The following TTC17 variants were observed in gnomAD, a reference collection of about 807,000 sequenced individuals.
The protein encoded by TTC17 is tetratricopeptide repeat domain 17, also known as tetratricopeptide repeat protein 17.
A neutral mutation model predicts 143.8 loss-of-function variants in TTC17; 58 were observed. The observed-to-expected ratio is 0.40, with a 90% CI of 0.33 to 0.50. TTC17 has a LOEUF of 0.50. Ranked by LOEUF, TTC17 falls within the 20% of genes least tolerant of loss-of-function variation. The pLI is 0.49. For missense variants in TTC17, 1,273 were observed against 1,392.5 expected (o/e 0.91, Z 1.37); for synonymous variants, 501 against 497.8 (o/e 1.01, Z -0.09).
chr11:43,408,191 TAAA>T (rs2134598051), intron 15 of TTC17, among the ~76,000 whole-genome samples: 1 of 152,328 alleles, frequency 6.6e-6, no homozygotes. Context: ...TCAGTTATAA[TAAA>T]TATACAATTA....
At chr11:43,487,355 A>C (rs1304629619) in intron 21 of TTC17, among the ~76,000 whole-genome samples, 3 of 152,118 alleles carry the variant, frequency 2.0e-5, no homozygotes, top group Non-Finnish European at 4.4e-5. Flanking sequence ...TGTGTTGGCC[A>C]GGCTGGTTTC....
intron 22 of TTC17, chr11:43,491,817 A>G: frequency 1.6e-6 from 1 of 621,794 alleles, no homozygotes; most frequent in Non-Finnish European, 2.8e-6. Context: ...AGACTTCGCC[A>G]ATGAAAGAAG....
intron 16 of TTC17, among the ~76,000 whole-genome samples, chr11:43,427,529 G>A (rs1590401724): frequency 6.6e-6 from 1 of 152,166 alleles, no homozygotes; most frequent in South Asian, 2.1e-4. Flanking sequence ...AGTTTGATGA[G>A]TTAGCACTCA....
At chr11:43,396,499 ATGCACG>A in intron 5 of TTC17, 1 of 338,328 alleles carries the variant, frequency 3.0e-6, no homozygotes, top group Non-Finnish European at 5.4e-6. Context: ...TCACACCCTA[ATGCACG>A]TGCTCAGCTG....
At position 43,466,876 on chromosome 11, in the gene TTC17, A is replaced by G. The variant is rs139581649; in HGVS notation, c.3030+15611A>G. ...ATTGCCAACTGCAGACAACTCTGAT[A>G]AATTTGACTTGTGTTTTATCTTAAC... On this transcript the variant is annotated intron_variant, in intron 21 of 23. Coordinates refer to ENST00000039989, the MANE Select transcript of TTC17 (RefSeq NM_018259.6). 1.8e-4 allele frequency: 43 copies of G among 238,610 alleles called. No individual in the cohort carries two copies. In the East Asian group the frequency reaches 4.7e-3, roughly 26 times the overall value. 14.8% of individuals were successfully genotyped at this position (238,610 alleles called of 1,614,324 possible).
At chr11:43,359,946 C>CGT (rs956820852) in intron 1 of TTC17, among the ~76,000 whole-genome samples, 4 of 152,164 alleles carry the variant, frequency 2.6e-5, no homozygotes, top group African/African-American at 7.2e-5. Flanking sequence ...CTAACGAGTG[C>CGT]GTGTGTGTGT....
intron 21 of TTC17, among the ~76,000 whole-genome samples, chr11:43,477,978 A>G (rs750768462): frequency 4.6e-5 from 7 of 152,216 alleles, no homozygotes; most frequent in Non-Finnish European, 8.8e-5. Flanking sequence ...ACACCCAGAC[A>G]GTATGTGTGT....
intron 1 of TTC17, among the ~76,000 whole-genome samples, chr11:43,365,634 C>A (rs866756247): frequency 6.6e-6 from 1 of 152,168 alleles, no homozygotes; most frequent in Non-Finnish European, 1.5e-5. Context: ...TTTTCATACT[C>A]ACCCTTTAGA....
At chr11:43,488,458 C>T (rs1385065655) in intron 21 of TTC17, among the ~76,000 whole-genome samples, 1 of 150,070 alleles carries the variant, frequency 6.7e-6, no homozygotes, top group Non-Finnish European at 1.5e-5. Flanking sequence ...AAATTAAATA[C>T]TGTATTTATA....
At chr11:43,482,115 T>G (rs1486513147) in intron 21 of TTC17, among the ~76,000 whole-genome samples, 1 of 152,106 alleles carries the variant, frequency 6.6e-6, no homozygotes, top group African/African-American at 2.4e-5. Context: ...TTTATTGATC[T>G]TAAATAATCA....
rs1321436825 is a variant in TTC17, at chr11:43,413,016, ACACACACACAC to A, written c.2065-1573_2065-1563del. Among the ~76,000 whole-genome samples, 42 of 151,384 alleles carry A rather than the reference ACACACACACAC, an allele frequency of 2.8e-4. 1 individual carries two copies. In the Middle Eastern group the frequency reaches 0.017, roughly 61 times the overall value. On this transcript the variant is annotated intron_variant, in intron 15 of 23. Transcript: ENST00000039989. ...CACACACACACACACACACACACAC[ACACACACACAC>A]AAATGGGGGCAGGGTGATGGGGAGG...
chr11:43,492,513 C>T (rs1948492210), intron 23 of TTC17, among the ~76,000 whole-genome samples: 1 of 152,200 alleles, frequency 6.6e-6, no homozygotes, highest in Non-Finnish European at 1.5e-5. Flanking sequence ...CCAGGTTGGG[C>T]TAAGGTACCT....
intron 21 of TTC17, among the ~76,000 whole-genome samples, chr11:43,482,678 T>C (rs558463671): frequency 6.6e-6 from 1 of 152,306 alleles, no homozygotes; most frequent in South Asian, 2.1e-4. Flanking sequence ...TAGAGCATTT[T>C]AGAAATATCA....
In TTC17 at chr11:43,451,264, A is replaced by C; in HGVS notation, c.3029A>C (p.Lys1010Thr). ...ACCCGAATTGCCAAAGTTTTGGAAA[A>C]GGTAAGTCACCCCACAGAAAAGCTG... ...IGTRIAKVLE[K>T]NQTSWVLSSM... is the part of the protein sequence containing the mutation. The change falls in exon 21 of 24, where the codon AAG becomes ACG. Residue 1010 changes from lysine to threonine, a missense_variant and splice_region_variant. Lys to Thr is a moderately conservative substitution (Grantham distance 78, BLOSUM62 -1). Transcript: ENST00000039989. The C allele has an allele frequency of 6.2e-7, 1 of 1,613,252 alleles. No homozygotes were observed. Among genetic ancestry groups the C allele is most frequent in the Non-Finnish European group, 8.5e-7 (1 of 1,179,248 alleles).
At chr11:43,407,693 G>C in intron 15 of TTC17, 116 bp downstream of exon 15, 3 of 979,582 alleles carry the variant, frequency 3.1e-6, no homozygotes, top group Non-Finnish European at 4.4e-6. Context: ...GTCTTTCACA[G>C]TAGCGTTTGC....
intron 21 of TTC17, among the ~76,000 whole-genome samples, chr11:43,474,804 A>G (rs1013844086): frequency 1.3e-5 from 2 of 152,210 alleles, no homozygotes; most frequent in African/African-American, 2.4e-5. Context: ...TATTTTATAT[A>G]TGTATTTTAT....
At chr11:43,378,432 A>G (rs900992056) in intron 1 of TTC17, among the ~76,000 whole-genome samples, 1 of 152,126 alleles carries the variant, frequency 6.6e-6, no homozygotes, top group Non-Finnish European at 1.5e-5. Flanking sequence ...CCTGTATCCC[A>G]TTCCATTGGA....
At chr11:43,364,533 C>T (rs1856253107) in intron 1 of TTC17, among the ~76,000 whole-genome samples, 1 of 152,140 alleles carries the variant, frequency 6.6e-6, no homozygotes, top group Admixed American at 6.5e-5. Context: ...TATACACTTC[C>T]AGGATTTAGT....
intron 16 of TTC17, chr11:43,436,198 T>A: frequency 6.9e-7 from 1 of 1,449,208 alleles, no homozygotes; most frequent in Non-Finnish European, 9.1e-7. Context: ...ACAACAGCCA[T>A]GACAAACAGA....
Sources: allele counts gnomAD v4.1 joint callset (sites outside exome capture counted in the v4.1 genomes callset), GRCh38; gene constraint gnomAD v4.1.1; transcripts MANE v1.5; gene names NCBI Gene and HGNC (gene_info 2026-07-23, HGNC 2026-07-21).